Variants in FNIP1 observed in about 807,000 individuals in gnomAD.
FNIP1 encodes the protein folliculin interacting protein 1.
In FNIP1, 40 loss-of-function variants were observed where a neutral mutation model predicts 124.5. The ratio of observed to expected loss-of-function variants is 0.32; its 90% CI spans 0.25 to 0.42. FNIP1 has a LOEUF of 0.42. FNIP1 is among the 10% of genes least tolerant of loss of function. The pLI is 1.00. For missense variants in FNIP1, 1,176 were observed against 1,403.7 expected, an observed-to-expected ratio of 0.84 and a Z score of 2.59; for synonymous variants, 472 against 470.6, an observed-to-expected ratio of 1.00 and a Z score of -0.04.
At chr5:131,728,310 A>G (rs1769958892) in intron 3 of FNIP1, among the ~76,000 whole-genome samples, 1 of 152,174 alleles carries the variant, frequency 6.6e-6, no homozygotes, top group African/African-American at 2.4e-5. Context: ...ACTTTTAGGT[A>G]CACCAATCAA....
At chr5:131,718,749 A>T (rs1483012048) in intron 5 of FNIP1, among the ~76,000 whole-genome samples, 2 of 152,236 alleles carry the variant, frequency 1.3e-5, no homozygotes, top group African/African-American at 4.8e-5. Flanking sequence ...CTAAGACGGA[A>T]ATCCATTCAA....
chr5:131,706,117 G>T (rs970195182), intron 9 of FNIP1, among the ~76,000 whole-genome samples: 1 of 152,104 alleles, frequency 6.6e-6, no homozygotes, highest in Non-Finnish European at 1.5e-5. Context: ...ACGTTGAATG[G>T]ATACAGAGTT....
intron 2 of FNIP1, among the ~76,000 whole-genome samples, chr5:131,742,238 C>T (rs537519335): frequency 1.5e-4 from 23 of 152,272 alleles, no homozygotes; most frequent in African/African-American, 2.9e-4. Flanking sequence ...CCAAAGCAGG[C>T]GGTTCGCTTG....
At chr5:131,713,803 C>T (rs892771005) in intron 6 of FNIP1, among the ~76,000 whole-genome samples, 3 of 152,288 alleles carry the variant, frequency 2.0e-5, no homozygotes, top group East Asian at 3.9e-4. Flanking sequence ...TGTCCCTTAG[C>T]GAATTTCTCA....
chr5:131,647,604 G>A (rs1240755241), intron 16 of FNIP1, among the ~76,000 whole-genome samples: 1 of 152,030 alleles, frequency 6.6e-6, no homozygotes, highest in African/African-American at 2.4e-5. Flanking sequence ...CTCCTGAGTA[G>A]CTGGGACTAC....
intron 11 of FNIP1, among the ~76,000 whole-genome samples, chr5:131,690,918 C>A (rs1768458676): frequency 6.6e-6 from 1 of 152,120 alleles, no homozygotes; most frequent in South Asian, 2.1e-4. Flanking sequence ...TTAGAAACTT[C>A]AACACTCCTC....
intron 1 of FNIP1, among the ~76,000 whole-genome samples, chr5:131,783,522 A>C (rs1341599743): frequency 1.3e-5 from 2 of 152,280 alleles, no homozygotes; most frequent in South Asian, 4.1e-4. Flanking sequence ...AAAGTTCTAA[A>C]AAGAAGTGAT....
At chr5:131,792,102 T>C (rs1030702059) in intron 1 of FNIP1, among the ~76,000 whole-genome samples, 10 of 152,168 alleles carry the variant, frequency 6.6e-5, no homozygotes, top group Non-Finnish European at 1.3e-4. Flanking sequence ...TATGAAGATA[T>C]TAAATTCTAT....
chr5:131,739,397 C>T (rs1770430163), intron 2 of FNIP1, among the ~76,000 whole-genome samples: 1 of 152,170 alleles, frequency 6.6e-6, no homozygotes. Context: ...TTCCACATGG[C>T]TAATTGTCTC....
At chr5:131,744,941 T>A (rs904820832) in intron 1 of FNIP1, among the ~76,000 whole-genome samples, 2 of 151,700 alleles carry the variant, frequency 1.3e-5, no homozygotes, top group African/African-American at 4.8e-5. Flanking sequence ...TATAGTTATC[T>A]CGTGATTTTT....
Position 131,665,511 on chromosome 5 carries a change from T to C in FNIP1, c.3108+4952A>G, listed in dbSNP as rs76227407. 8.8e-3 allele frequency among the ~76,000 whole-genome samples: 1,341 copies of C among 151,592 alleles called. 24 individuals are homozygous for C. Among genetic ancestry groups the C allele is most frequent in the African/African-American group, 0.031 (1,273 of 41,412 alleles). ...TAAAAGGTTCCTACATGTTTTTCCA[T>C]GTAGTCACATAAAAAAATTTCATGT... On this transcript the variant is annotated intron_variant, in intron 15 of 17. Coordinates refer to ENST00000510461, the MANE Select transcript of FNIP1 (RefSeq NM_133372.3).
chr5:131,746,279 T>G (rs1770675179), intron 1 of FNIP1, among the ~76,000 whole-genome samples: 1 of 152,178 alleles, frequency 6.6e-6, no homozygotes, highest in South Asian at 2.1e-4. Flanking sequence ...TTTTTTATAA[T>G]TTCAACTTTT....
At chr5:131,734,160 G>A (rs577626654) in intron 2 of FNIP1, among the ~76,000 whole-genome samples, 15 of 152,190 alleles carry the variant, frequency 9.9e-5, no homozygotes, top group Non-Finnish European at 1.9e-4. Context: ...GTATTTCTGC[G>A]GGATCGGTGG....
At chr5:131,688,502 A>G (rs1768361141) in intron 11 of FNIP1, among the ~76,000 whole-genome samples, 1 of 151,838 alleles carries the variant, frequency 6.6e-6, no homozygotes, top group South Asian at 2.1e-4. Flanking sequence ...GAACAAAGAA[A>G]GCATCAGAAT....
intron 6 of FNIP1, among the ~76,000 whole-genome samples, chr5:131,713,789 TC>T (rs1274347788): frequency 6.6e-6 from 1 of 152,240 alleles, no homozygotes; most frequent in Non-Finnish European, 1.5e-5. Context: ...TCTGGTCCAC[TC>T]TATGTCCCTT....
chr5:131,765,242 C>T (rs899072406), intron 1 of FNIP1, among the ~76,000 whole-genome samples: 6 of 151,982 alleles, frequency 3.9e-5, no homozygotes, highest in African/African-American at 1.4e-4. Context: ...AAAAAAGCAT[C>T]ATGAAAACTT....
intron 1 of FNIP1, among the ~76,000 whole-genome samples, chr5:131,758,520 A>G (rs919505711): frequency 6.6e-6 from 1 of 152,234 alleles, no homozygotes; most frequent in African/African-American, 2.4e-5. Context: ...ACACAAATTT[A>G]TATGCTACAG....
At chr5:131,736,077 G>A (rs189470385) in intron 2 of FNIP1, among the ~76,000 whole-genome samples, 8 of 152,056 alleles carry the variant, frequency 5.3e-5, no homozygotes, top group South Asian at 2.1e-4. Context: ...ATTCAACCTC[G>A]TTATAATTGT....
intron 11 of FNIP1, among the ~76,000 whole-genome samples, chr5:131,694,386 G>A (rs1280328299): frequency 1.3e-5 from 2 of 152,168 alleles, no homozygotes; most frequent in South Asian, 2.1e-4. Flanking sequence ...AATATTACTC[G>A]ATGATGAAAA....
Sources: allele counts gnomAD v4.1 joint callset (sites outside exome capture counted in the v4.1 genomes callset), GRCh38; gene constraint gnomAD v4.1.1; transcripts MANE v1.5; gene names NCBI Gene and HGNC (gene_info 2026-07-23, HGNC 2026-07-21).